The following CAMTA1 variants were observed in gnomAD, a reference collection of about 807,000 sequenced individuals.
The protein encoded by CAMTA1 is calmodulin-binding transcription activator 1.
A neutral mutation model predicts 170.9 loss-of-function variants in CAMTA1; 27 were observed. That is an observed-to-expected ratio of 0.16 (90% CI 0.12 to 0.22). The LOEUF (loss-of-function observed/expected upper bound fraction) is 0.22, where lower values mean the gene tolerates loss of function less well. CAMTA1 is among the 10% of genes least tolerant of loss of function. The pLI, the probability that CAMTA1 is intolerant of heterozygous loss-of-function variation, is 1.00. For synonymous variants in CAMTA1, 833 were observed against 891.5 expected (o/e 0.93, Z 1.17); for missense variants, 1,619 against 2,217.2 (o/e 0.73, Z 5.42).
rs931564496 is a variant in CAMTA1, at chr1:6,934,030, T to C, written c.234+108820T>C. ...GCACAAAGCCTGCTGGGATTTTGAT[T>C]GGGATTGAGCCTCACATTGCTCTCT... On this transcript the variant is annotated intron_variant, in intron 3 of 22. Coordinates refer to ENST00000303635, the MANE Select transcript of CAMTA1 (RefSeq NM_015215.4). This position sits in a 1 kb window ranked among gnomAD's most constrained non-coding sequence, Gnocchi z 4.5. 6.6e-6 allele frequency among the ~76,000 whole-genome samples: 1 copy of C among 152,214 alleles called. No homozygotes were observed. Among genetic ancestry groups the C allele is most frequent in the Non-Finnish European group, 1.5e-5 (1 of 68,048 alleles).
At chr1:7,012,660 G>A (rs1234522513) in intron 3 of CAMTA1, among the ~76,000 whole-genome samples, 1 of 152,100 alleles carries the variant, frequency 6.6e-6, no homozygotes, top group African/African-American at 2.4e-5. Context: ...CCCTCTCTGT[G>A]ACGCACTTCC....
chr1:7,581,320 C>T lies in CAMTA1; in HGVS notation c.511-59080C>T, dbSNP rs1218389661. On this transcript the variant is annotated intron_variant, in intron 6 of 22. Coordinates refer to ENST00000303635, the MANE Select transcript of CAMTA1 (RefSeq NM_015215.4). The stretch of plus-strand genomic sequence containing the variant: ...CAACGTTCTCTGAATTGCTAAGCAA[C>T]AGTGTCCGTTCTCTCACATGGAGAA... 3.3e-5 allele frequency among the ~76,000 whole-genome samples: 5 copies of T among 152,356 alleles called. No homozygotes were observed. The East Asian group carries it at 9.6e-4, about 29-fold the overall frequency.
chr1:7,405,911 C>T (rs555456921), intron 5 of CAMTA1, among the ~76,000 whole-genome samples: 21 of 152,180 alleles, frequency 1.4e-4, no homozygotes, highest in Non-Finnish European at 2.6e-4. Flanking sequence ...GGGCACCGTT[C>T]TCGAAGCAGC....
intron 6 of CAMTA1, among the ~76,000 whole-genome samples, chr1:7,578,850 C>T (rs1449604019): frequency 1.3e-4 from 20 of 152,180 alleles, no homozygotes; most frequent in Admixed American, 1.3e-3. Context: ...CCTTGTGACC[C>T]AGTCACTTCC....
rs186614143 is a variant in CAMTA1 at position 7,216,866 on chromosome 1, C to T, written c.303-32625C>T. Among the ~76,000 whole-genome samples the T allele has an allele frequency of 1.8e-3, 269 of 152,238 alleles. 1 individual carries two copies. The highest frequency in any genetic ancestry group is 6.0e-3 in the African/African-American group (250 of 41,534). On this transcript the variant is annotated intron_variant, in intron 4 of 22. Transcript: ENST00000303635. This position sits in a 1 kb window ranked among gnomAD's most constrained non-coding sequence, Gnocchi z 4.0. ...TAGTCTTGTTTGGTGCACTAATACT[C>T]ATTATGGTTATATTTTTATTGTGGA... is the stretch of plus-strand genomic sequence containing the variant.
chr1:7,234,787 C>CT lies in CAMTA1; in HGVS notation c.303-14704_303-14703insT, dbSNP rs1358192770. ...TGGGAAATTGGAAAATACAAGTTGA[C>CT]CTTTTTTTTTTTTTTTTTAGATAGA... On this transcript the variant is annotated intron_variant, in intron 4 of 22. Coordinates refer to ENST00000303635, the MANE Select transcript of CAMTA1 (RefSeq NM_015215.4). The surrounding 1 kb of genome is among the most constrained non-coding windows in gnomAD (Gnocchi z 5.0). Among the ~76,000 whole-genome samples the CT allele has an allele frequency of 5.8e-5, 6 of 103,554 alleles. No individual in the cohort carries two copies. Among genetic ancestry groups the CT allele is most frequent in the African/African-American group, 2.9e-4 (6 of 20,822 alleles). 67.9% of individuals were successfully genotyped at this position (103,554 alleles called of 152,430 possible).
intron 6 of CAMTA1, among the ~76,000 whole-genome samples, chr1:7,548,130 T>C (rs905686539): frequency 1.3e-5 from 2 of 152,222 alleles, no homozygotes; most frequent in African/African-American, 4.8e-5. Flanking sequence ...ACAATAAAAG[T>C]TGACAGTTAT....
At chr1:6,797,363 G>A (rs1043187200) in intron 1 of CAMTA1, among the ~76,000 whole-genome samples, 1 of 150,396 alleles carries the variant, frequency 6.6e-6, no homozygotes, top group Non-Finnish European at 1.5e-5. Context: ...GTTCGGCTGA[G>A]ATGACTTTTT....
At chr1:6,871,921 C>G in intron 3 of CAMTA1, 2 of 1,339,222 alleles carry the variant, frequency 1.5e-6, no homozygotes, top group Non-Finnish European at 1.9e-6. Context: ...CAAAGTGTAA[C>G]ACGCTGATTT....
rs1017665097 is a variant in CAMTA1 at position 7,580,525 on chromosome 1, C to T, written c.511-59875C>T. ...CCTCAGAGACACACAGCCCTCTTCCCATGAGCCAGGTGGCAGACAGGACAC... is the reference window on the plus strand; with the variant it reads ...CCTCAGAGACACACAGCCCTCTTCCTATGAGCCAGGTGGCAGACAGGACAC... On this transcript the variant is annotated intron_variant, in intron 6 of 22. Transcript: ENST00000303635. This position sits in a 1 kb window ranked among gnomAD's most constrained non-coding sequence, Gnocchi z 4.3. Among the ~76,000 whole-genome samples, 20 of 152,088 alleles carry T rather than the reference C, an allele frequency of 1.3e-4. No homozygotes were observed. The highest frequency in any genetic ancestry group is 4.6e-4 in the Admixed American group (7 of 15,270).
intron 4 of CAMTA1, among the ~76,000 whole-genome samples, chr1:7,137,389 G>C (rs1645605955): frequency 6.6e-6 from 1 of 152,240 alleles, no homozygotes; most frequent in African/African-American, 2.4e-5. Context: ...AGAAGACCCT[G>C]CTGGGTCTGG....
chr1:6,876,418 A>G (rs1669904636), intron 3 of CAMTA1, among the ~76,000 whole-genome samples: 1 of 151,058 alleles, frequency 6.6e-6, no homozygotes. Context: ...CTGGAGTGCA[A>G]TGGTGTGATC....
rs115061315 is a variant in CAMTA1 at position 7,165,651 on chromosome 1, C to T, written c.302+74280C>T. Among the ~76,000 whole-genome samples, 1,232 of 152,246 alleles carry T rather than the reference C, an allele frequency of 8.1e-3. 14 individuals are homozygous for T. The highest frequency in any genetic ancestry group is 0.028 in the African/African-American group (1,144 of 41,534). On this transcript the variant is annotated intron_variant, in intron 4 of 22. Transcript: ENST00000303635. ...TTCACCATATTGCTCAGTCTGGTTTCGAACTGCTGACCTCAGGTGATCCAC... is the reference window on the plus strand; with the variant it reads ...TTCACCATATTGCTCAGTCTGGTTTTGAACTGCTGACCTCAGGTGATCCAC...
intron 6 of CAMTA1, among the ~76,000 whole-genome samples, chr1:7,524,549 T>A (rs1184431930): frequency 6.6e-6 from 1 of 152,160 alleles, no homozygotes; most frequent in African/African-American, 2.4e-5. Flanking sequence ...CCTTGCCCCA[T>A]TCCTCATCTG....
At chr1:6,848,187 G>A (rs562671784) in intron 3 of CAMTA1, among the ~76,000 whole-genome samples, 6 of 152,098 alleles carry the variant, frequency 3.9e-5, no homozygotes, top group African/African-American at 1.2e-4. Context: ...TTCTTTGAAG[G>A]TCTCACTCTG....
intron 3 of CAMTA1, among the ~76,000 whole-genome samples, chr1:6,876,523 C>T (rs563408461): frequency 5.9e-5 from 9 of 152,118 alleles, no homozygotes; most frequent in Non-Finnish European, 1.2e-4. Context: ...CCACCGTGCC[C>T]AACTAATTTT....
chr1:7,498,824 GGT>G (rs2093895661), intron 6 of CAMTA1, among the ~76,000 whole-genome samples: 1 of 148,066 alleles, frequency 6.8e-6, no homozygotes, highest in Admixed American at 6.7e-5. Context: ...TAGAGAGGAT[GGT>G]GTGAGCCTGG....
At chr1:7,141,086 GC>G (rs1285723304) in intron 4 of CAMTA1, among the ~76,000 whole-genome samples, 1 of 152,098 alleles carries the variant, frequency 6.6e-6, no homozygotes, top group African/African-American at 2.4e-5. Context: ...GCTGGACTCG[GC>G]CCCTCTGCAG....
At chr1:7,091,426 G>A in intron 4 of CAMTA1, 55 bp downstream of exon 4, 4 of 1,323,580 alleles carry the variant, frequency 3.0e-6, no homozygotes, top group Non-Finnish European at 2.2e-6. Flanking sequence ...GGATTGATTT[G>A]CATTGATTAC....
Sources: gnomAD v4.1 joint callset for allele counts (sites outside exome capture counted in the v4.1 genomes callset) on GRCh38, gnomAD v4.1.1 for gene constraint, Gnocchi (gnomAD v3.1) non-coding constraint, MANE v1.5 for transcripts, NCBI Gene and HGNC (gene_info 2026-07-23, HGNC 2026-07-21) for gene names.